The following UGT1A9 variants were observed in gnomAD, a reference collection of about 807,000 sequenced individuals.
UGT1A9 encodes UDP glucuronosyltransferase family 1 member A9.
Under a neutral mutation model 45.0 loss-of-function variants are expected in UGT1A9, and 35 were observed. That is an observed-to-expected ratio of 0.78 (90% CI 0.59 to 1.03). The LOEUF is 1.03. UGT1A9 is among the 50% of genes least tolerant of loss of function. UGT1A9 has a pLI of 0.00. For missense variants in UGT1A9, 687 were observed against 666.6 expected, an observed-to-expected ratio of 1.03 and a Z score of -0.34; for synonymous variants, 278 against 250.6, an observed-to-expected ratio of 1.11 and a Z score of -1.03.
chr2:233,769,459 A>G lies in UGT1A9; in HGVS notation c.1295+1020A>G. On this transcript the variant is annotated intron_variant, in intron 4 of 4. Coordinates refer to ENST00000354728, the MANE Select transcript of UGT1A9 (RefSeq NM_021027.3). This position sits in a 1 kb window ranked among gnomAD's most constrained non-coding sequence, Gnocchi z 4.4. The stretch of plus-strand genomic sequence containing the variant: ...TGTGTGGGTGCACACGTGTGCATTC[A>G]TATGCGTGTGTGTGTGTGTGCGTGT... 1 of 1,591,312 alleles carries G rather than the reference A, an allele frequency of 6.3e-7. No individual in the cohort carries two copies. Among genetic ancestry groups the G allele is most frequent in the Non-Finnish European group, 8.6e-7 (1 of 1,161,842 alleles).
At position 233,768,160 on chromosome 2, in the gene UGT1A9, G is replaced by A. The variant is rs35295390; in HGVS notation, c.1076-60G>A. The A allele has an allele frequency of 1.5e-4, 241 of 1,613,276 alleles. 1 individual carries two copies. The African/African-American group carries it at 2.5e-3, about 17-fold the overall frequency. ...TTTGGAGTGTTTTCAGAACCTAGAT[G>A]TGTCCAGCTGTGAAACTCAGAGATG... On this transcript the variant is annotated intron_variant, in intron 3 of 4. Coordinates refer to ENST00000354728, the MANE Select transcript of UGT1A9 (RefSeq NM_021027.3).
chr2:233,701,346 A>T (rs148707887), intron 1 of UGT1A9, among the ~76,000 whole-genome samples: 1 of 152,088 alleles, frequency 6.6e-6, no homozygotes, highest in African/African-American at 2.4e-5. Flanking sequence ...ACAGTGTAAA[A>T]GTTCTTAGAG....
At chr2:233,705,982 A>G (rs535507693) in intron 1 of UGT1A9, among the ~76,000 whole-genome samples, 1 of 152,274 alleles carries the variant, frequency 6.6e-6, no homozygotes, top group African/African-American at 2.4e-5. Context: ...CCGGCTACTC[A>G]GGAGGCTGAG....
chr2:233,759,341 G>A (rs1697111060), intron 1 of UGT1A9, among the ~76,000 whole-genome samples: 1 of 152,134 alleles, frequency 6.6e-6, no homozygotes, highest in Non-Finnish European at 1.5e-5. Context: ...GTTCAGGTGA[G>A]CGCTGAAAAT....
chr2:233,719,742 A>T (rs2076802630), intron 1 of UGT1A9: 1 of 1,613,130 alleles, frequency 6.2e-7, no homozygotes, highest in Non-Finnish European at 8.5e-7. Flanking sequence ...CTTTTTAAAA[A>T]ATGTATTTAC....
intron 1 of UGT1A9, among the ~76,000 whole-genome samples, chr2:233,679,982 T>C (rs185840160): frequency 6.6e-6 from 1 of 152,330 alleles, no homozygotes; most frequent in East Asian, 1.9e-4. Context: ...AGCAATGTCT[T>C]CATGAATCTT....
At chr2:233,732,692 C>T (rs1425902853) in intron 1 of UGT1A9, among the ~76,000 whole-genome samples, 1 of 150,324 alleles carries the variant, frequency 6.7e-6, no homozygotes, top group Non-Finnish European at 1.5e-5. Context: ...AGCACCCATG[C>T]TGTTTTGTTA....
chr2:233,772,669 CA>C lies in UGT1A9; in HGVS notation c.*111del. On this transcript the variant is annotated 3_prime_UTR_variant, in exon 5 of 5. Coordinates refer to ENST00000354728, the MANE Select transcript of UGT1A9 (RefSeq NM_021027.3). ...TTATTCTTATTAAGGAAATACTTTG[CA>C]TAAATTAATCAGCCCCAGAGTGCTT... 6.5e-7 allele frequency: 1 copy of C among 1,536,408 alleles called. No individual in the cohort carries two copies. The highest frequency in any genetic ancestry group is 1.4e-5 in the African/African-American group (1 of 72,618).
intron 4 of UGT1A9, among the ~76,000 whole-genome samples, chr2:233,771,924 G>A (rs1363047939): frequency 1.3e-5 from 2 of 151,928 alleles, no homozygotes; most frequent in Non-Finnish European, 2.9e-5. Context: ...AACACAGCCT[G>A]GGCAACACAA....
At chr2:233,701,905 A>G (rs2075659250) in intron 1 of UGT1A9, among the ~76,000 whole-genome samples, 1 of 152,218 alleles carries the variant, frequency 6.6e-6, no homozygotes, top group Non-Finnish European at 1.5e-5. Flanking sequence ...AAGATCTAAA[A>G]TTGACACCCT....
At chr2:233,718,263 G>A (rs889677114) in intron 1 of UGT1A9, among the ~76,000 whole-genome samples, 4 of 152,166 alleles carry the variant, frequency 2.6e-5, no homozygotes, top group African/African-American at 9.7e-5. Context: ...ATATCCTGGT[G>A]TGAAAAAAGA....
At chr2:233,675,244 G>A (rs2074315167) in intron 1 of UGT1A9, among the ~76,000 whole-genome samples, 1 of 152,136 alleles carries the variant, frequency 6.6e-6, no homozygotes, top group Non-Finnish European at 1.5e-5. Flanking sequence ...ATTTGGAGGG[G>A]ACAAACTTCT....
Position 233,672,034 on chromosome 2 carries a change from G to A in UGT1A9, c.100G>A (p.Asp34Asn). ...AGGGAAGCTACTGGTAGTGCCCATGGATGGGAGCCACTGGTTCACCATGAG... is the reference window on the plus strand; with the variant it reads ...AGGGAAGCTACTGGTAGTGCCCATGAATGGGAGCCACTGGTTCACCATGAG... ...EAGKLLVVPMDGSHWFTMRSV... is the reference protein window; with the variant it reads ...EAGKLLVVPMNGSHWFTMRSV... Residue 34 changes from aspartate to asparagine, a missense_variant, in exon 1 of 5, where the codon GAT (aspartate) becomes AAT (asparagine). Coordinates refer to ENST00000354728, the MANE Select transcript of UGT1A9 (RefSeq NM_021027.3). 1 of 1,614,174 alleles carries A rather than the reference G, an allele frequency of 6.2e-7. No individual in the cohort carries two copies. Among genetic ancestry groups the A allele is most frequent in the Non-Finnish European group, 8.5e-7 (1 of 1,180,016 alleles).
At chr2:233,677,109 G>A (rs1007638228) in intron 1 of UGT1A9, among the ~76,000 whole-genome samples, 1 of 151,972 alleles carries the variant, frequency 6.6e-6, no homozygotes, top group African/African-American at 2.4e-5. Context: ...GATTGGGATT[G>A]TATTTTATTT....
intron 1 of UGT1A9, chr2:233,760,240 A>G (rs749913707): frequency 1.2e-6 from 2 of 1,607,210 alleles, no homozygotes; most frequent in South Asian, 2.2e-5. Context: ...TGCCATATAT[A>G]TATATATAAG....
At chr2:233,680,803 G>A (rs1386884199) in intron 1 of UGT1A9, among the ~76,000 whole-genome samples, 1 of 152,140 alleles carries the variant, frequency 6.6e-6, no homozygotes, top group East Asian at 1.9e-4. Flanking sequence ...CATAGCAAAG[G>A]CCTGCAGCTC....
At chr2:233,710,864 A>T (rs1455243493) in intron 1 of UGT1A9, among the ~76,000 whole-genome samples, 1 of 152,198 alleles carries the variant, frequency 6.6e-6, no homozygotes, top group Non-Finnish European at 1.5e-5. Context: ...TATGTTTTTT[A>T]AAAAAGTTAA....
chr2:233,772,878 G>A lies in UGT1A9; in HGVS notation c.*319G>A. ...GAAACATGGCCTGTTTGGGAGTGCG[G>A]GATTCAAAGGTGGTCCCACGGCTGC... is the stretch of plus-strand genomic sequence containing the variant. On this transcript the variant is annotated 3_prime_UTR_variant, in exon 5 of 5. Coordinates refer to ENST00000354728, the MANE Select transcript of UGT1A9 (RefSeq NM_021027.3). 1 of 577,674 alleles carries A rather than the reference G, an allele frequency of 1.7e-6. No individual in the cohort carries two copies. 35.8% of individuals were successfully genotyped at this position (577,674 alleles called of 1,614,324 possible). A position where few individuals can be genotyped will look rare whatever the true frequency, so the allele number is the denominator to read the frequency against.
chr2:233,718,621 T>C (rs1199442857), intron 1 of UGT1A9: 10 of 887,970 alleles, frequency 1.1e-5, no homozygotes, highest in Middle Eastern at 1.2e-3. Flanking sequence ...ATAGGCGTGA[T>C]TGGTCTTTCC....
Sources: allele counts gnomAD v4.1 joint callset (sites outside exome capture counted in the v4.1 genomes callset), GRCh38; gene constraint gnomAD v4.1.1; non-coding constraint Gnocchi (gnomAD v3.1); transcripts MANE v1.5; gene names NCBI Gene and HGNC (gene_info 2026-07-23, HGNC 2026-07-21).